Variants in PRORP observed in about 807,000 individuals in gnomAD.
The protein encoded by PRORP is mitochondrial ribonuclease P catalytic subunit.
A neutral mutation model predicts 59.4 loss-of-function variants in PRORP; 51 were observed. The observed-to-expected ratio is 0.86, with a 90% CI of 0.69 to 1.08. The LOEUF (loss-of-function observed/expected upper bound fraction) is 1.08. Among genes scored for constraint, PRORP ranks in the 50% least tolerant of loss-of-function variants. PRORP has a pLI of 0.00. For synonymous variants in PRORP, 231 were observed against 245.6 expected (o/e 0.94, Z 0.55); for missense variants, 646 against 690.3 (o/e 0.94, Z 0.72).
intron 5 of PRORP, among the ~76,000 whole-genome samples, chr14:35,200,146 A>G (rs1238778006): frequency 6.6e-6 from 1 of 152,160 alleles, no homozygotes; most frequent in African/African-American, 2.4e-5. Flanking sequence ...AGCCACGACA[A>G]TTCCATGATT....
At chr14:35,231,894 A>G (rs2050090539) in intron 5 of PRORP, among the ~76,000 whole-genome samples, 1 of 152,230 alleles carries the variant, frequency 6.6e-6, no homozygotes, top group Admixed American at 6.5e-5. Flanking sequence ...CATATACACA[A>G]GGAATTGCAT....
Position 35,123,433 on chromosome 14 carries a change from C to A in PRORP, c.188C>A (p.Ala63Asp). 6.2e-7 allele frequency: 1 copy of A among 1,614,188 alleles called. No homozygotes were observed. The highest frequency in any genetic ancestry group is 8.5e-7 in the Non-Finnish European group (1 of 1,180,030). Residue 63 changes from alanine (A) to aspartate (D), a missense_variant, in exon 2 of 8, where the codon GCC (alanine) becomes GAC (aspartate). By Grantham distance (126) the Ala-to-Asp change is moderately radical. Transcript: ENST00000534898. The part of the protein sequence containing the change: ...PQNTKATNLI[A>D]KARYLRKDEG... ...AATACCAAAGCAACGAATCTGATTG[C>A]CAAGGCCAGATATCTCAGGAAAGAT...
At chr14:35,151,975 C>T (rs564406475) in intron 4 of PRORP, among the ~76,000 whole-genome samples, 2 of 135,370 alleles carry the variant, frequency 1.5e-5, no homozygotes, top group African/African-American at 2.8e-5. Context: ...GGGTGTTTCT[C>T]GCAGAGGGGG....
At chr14:35,147,483 C>T (rs981500614) in intron 4 of PRORP, among the ~76,000 whole-genome samples, 1 of 152,206 alleles carries the variant, frequency 6.6e-6, no homozygotes, top group African/African-American at 2.4e-5. Flanking sequence ...GCTACAACTA[C>T]AAGCTCACAT....
At chr14:35,162,649 A>G (rs1447293802) in intron 4 of PRORP, among the ~76,000 whole-genome samples, 1 of 151,904 alleles carries the variant, frequency 6.6e-6, no homozygotes, top group East Asian at 1.9e-4. Context: ...AAATATTCGA[A>G]TTTGTCAGAC....
intron 5 of PRORP, among the ~76,000 whole-genome samples, chr14:35,238,867 A>G (rs1174698588): frequency 6.6e-6 from 1 of 152,196 alleles, no homozygotes; most frequent in Non-Finnish European, 1.5e-5. Context: ...CTATATATAA[A>G]TGTATGACAT....
intron 5 of PRORP, chr14:35,263,027 T>C (rs2050944443): frequency 1.9e-6 from 3 of 1,584,490 alleles, no homozygotes; most frequent in African/African-American, 1.3e-5. Context: ...TTCAGCCGGC[T>C]GATGAATAAG....
At chr14:35,148,808 A>G (rs1380341644) in intron 4 of PRORP, among the ~76,000 whole-genome samples, 1 of 151,728 alleles carries the variant, frequency 6.6e-6, no homozygotes. Context: ...TGCAGCTTCT[A>G]CATGAGTACT....
chr14:35,157,432 G>T (rs1295868155), intron 4 of PRORP, among the ~76,000 whole-genome samples: 1 of 152,124 alleles, frequency 6.6e-6, no homozygotes, highest in African/African-American at 2.4e-5. Flanking sequence ...TGATTATTAA[G>T]TACCAGATTA....
intron 4 of PRORP, 56 bp from the exon 5 acceptor site, chr14:35,180,614 A>T: frequency 9.4e-7 from 1 of 1,061,462 alleles, no homozygotes; most frequent in South Asian, 1.3e-5. Flanking sequence ...CAGTGTGTTT[A>T]TAATAAAGTC....
At chr14:35,150,251 C>T (rs756239449) in intron 4 of PRORP, among the ~76,000 whole-genome samples, 2 of 152,178 alleles carry the variant, frequency 1.3e-5, no homozygotes, top group African/African-American at 2.4e-5. Flanking sequence ...CACCTAGAGG[C>T]CATCGTAGAA....
intron 4 of PRORP, among the ~76,000 whole-genome samples, chr14:35,168,609 AT>A (rs1425077385): frequency 3.3e-5 from 5 of 152,224 alleles, no homozygotes; most frequent in Admixed American, 2.0e-4. Flanking sequence ...TTAAAAAAAA[AT>A]AATAAAAAAG....
intron 4 of PRORP, among the ~76,000 whole-genome samples, chr14:35,149,214 C>T (rs371743215): frequency 6.0e-4 from 91 of 151,658 alleles, no homozygotes; most frequent in East Asian, 1.2e-3. Flanking sequence ...CCACCGCGCC[C>T]GGCCTAATTT....
Position 35,141,223 on chromosome 14 carries a change from C to T in PRORP, c.1167+13612C>T, listed in dbSNP as rs978403684. 5.6e-5 allele frequency among the ~76,000 whole-genome samples: 8 copies of T among 143,084 alleles called. 1 individual carries two copies. The highest frequency in any genetic ancestry group is 1.1e-4 in the Non-Finnish European group (7 of 64,440). The allele number at this position is 143,084 out of a possible 152,430, so 93.9% of individuals were successfully genotyped here. ...GTTAATTAGGTTTTTTTCTTATTTTCCTTCCTTCTTTTTCTTTTTTTTTTT... is the reference window on the plus strand; with the variant it reads ...GTTAATTAGGTTTTTTTCTTATTTTTCTTCCTTCTTTTTCTTTTTTTTTTT... On this transcript the variant is annotated intron_variant, in intron 4 of 7. Transcript: ENST00000534898.
chr14:35,250,369 T>C (rs1190228034), intron 5 of PRORP, among the ~76,000 whole-genome samples: 4 of 152,206 alleles, frequency 2.6e-5, no homozygotes, highest in African/African-American at 4.8e-5. Context: ...TCTACTTTAA[T>C]CAGACTCCCC....
Position 35,182,125 on chromosome 14 carries a change from G to A in PRORP, c.1275+1348G>A, listed in dbSNP as rs143177124. ...CTAAAAATACAAAAAAATTAGCCGG[G>A]CATGATGGCGCACACCTGTAGTCCC... On this transcript the variant is annotated intron_variant, in intron 5 of 7. Coordinates refer to ENST00000534898, the MANE Select transcript of PRORP (RefSeq NM_014672.4). 2.5e-4 allele frequency among the ~76,000 whole-genome samples: 38 copies of A among 151,590 alleles called. No homozygotes were observed. In the East Asian group the frequency reaches 7.2e-3, roughly 29 times the overall value.
chr14:35,123,318 G>A lies in PRORP; in HGVS notation c.73G>A (p.Gly25Arg). ...WKSPYLGLGPGHSYVSLFLAD... is the reference protein window; with the variant it reads ...WKSPYLGLGPRHSYVSLFLAD... ...GAGCCCATACCTTGGGCTAGGCCCA[G>A]GGCACTCTTATGTCTCGCTGTTTCT... The change falls in exon 2 of 8, where the codon GGG becomes AGG. Residue 25 changes from glycine (G) to arginine (R), a missense_variant. By Grantham distance (125) the Gly-to-Arg change is moderately radical (BLOSUM62 -2). Coordinates refer to ENST00000534898, the MANE Select transcript of PRORP (RefSeq NM_014672.4). The A allele has an allele frequency of 6.2e-7, 1 of 1,613,940 alleles. No individual in the cohort carries two copies.
intron 6 of PRORP, among the ~76,000 whole-genome samples, chr14:35,268,059 T>A (rs2051089553): frequency 1.3e-5 from 2 of 151,924 alleles, no homozygotes; most frequent in African/African-American, 4.8e-5. Context: ...TAACAAAACC[T>A]ACAGTAAGCC....
chr14:35,170,975 G>A (rs2048301061), intron 4 of PRORP, among the ~76,000 whole-genome samples: 2 of 151,810 alleles, frequency 1.3e-5, no homozygotes, highest in South Asian at 2.1e-4. Context: ...TCAGACTCCC[G>A]AGTAGCTGGG....
Sources: gnomAD v4.1 joint callset for allele counts (sites outside exome capture counted in the v4.1 genomes callset) on GRCh38, gnomAD v4.1.1 for gene constraint, MANE v1.5 for transcripts, NCBI Gene and HGNC (gene_info 2026-07-23, HGNC 2026-07-21) for gene names.